MYH3: variants seen among roughly 807,000 people sequenced by gnomAD.
The protein encoded by MYH3 is myosin-3.
MYH3 carries 130 observed loss-of-function variants against 238.0 expected under a neutral mutation model. The ratio of observed to expected loss-of-function variants is 0.55; its 90% CI spans 0.47 to 0.63. The LOEUF (loss-of-function observed/expected upper bound fraction) is 0.63. Ranked by LOEUF, MYH3 falls within the 30% of genes least tolerant of loss-of-function variation. MYH3 has a pLI of 0.00. For missense variants in MYH3, 1,853 were observed against 2,374.9 expected, an observed-to-expected ratio of 0.78 and a Z score of 4.57; for synonymous variants, 880 against 924.1, an observed-to-expected ratio of 0.95 and a Z score of 0.86.
chr17:10,638,504 G>C, intron 26 of MYH3, 72 bp from the exon 27 acceptor site: 2 of 1,584,734 alleles, frequency 1.3e-6, no homozygotes, highest in Admixed American at 3.4e-5. Context: ...AGAACAGGCT[G>C]GTTTCCCTTC....
chr17:10,638,837 C>T (rs2074242301), intron 26 of MYH3, 36 bp downstream of exon 26: 1 of 1,595,312 alleles, frequency 6.3e-7, no homozygotes, highest in South Asian at 1.1e-5. Flanking sequence ...CTGTAAGTGG[C>T]CTCACATGGA....
rs764535714 is a variant in MYH3 at position 10,651,663 on chromosome 17, G to A, written c.354C>T (p.Tyr118=). The change falls in exon 5 of 41, where the codon TAC becomes TAT. Residue 118 remains tyrosine (Y), a synonymous_variant. Coordinates refer to ENST00000583535, the MANE Select transcript of MYH3 (RefSeq NM_002470.4). ...TGACAGTGACACAGAAGAGGCCTGA[G>A]TAGGTCTGTGGGAGGAAAAACATAT... ...DRYTSWMIYT[Y]SGLFCVTVNP... 2 of 1,614,006 alleles carry A rather than the reference G, an allele frequency of 1.2e-6. No individual in the cohort carries two copies. Among genetic ancestry groups the A allele is most frequent in the South Asian group, 1.1e-5 (1 of 91,084 alleles).
At position 10,632,700 on chromosome 17, in the gene MYH3, C is replaced by CA; in HGVS notation, c.4731_4732insT (p.Ala1578CysfsTer5). ...TGCTCGATCTCTTCATCCTTCTCGG[C>CA]GATCTTTCTATCAATTTCTGATTTC... On this transcript the variant is annotated frameshift_variant, in exon 34 of 41. Transcript: ENST00000583535. LOFTEE classifies it high-confidence loss of function. 6.2e-7 allele frequency: 1 copy of CA among 1,614,138 alleles called. No homozygotes were observed. The highest frequency in any genetic ancestry group is 8.5e-7 in the Non-Finnish European group (1 of 1,180,014).
chr17:10,652,930 G>A (rs985005144), intron 3 of MYH3, among the ~76,000 whole-genome samples: 10 of 152,048 alleles, frequency 6.6e-5, no homozygotes, highest in African/African-American at 2.2e-4. Context: ...CTGTCTGCAC[G>A]TCTTGTCTGC....
chr17:10,649,197 G>A (rs1409106882), intron 7 of MYH3, among the ~76,000 whole-genome samples: 7 of 152,154 alleles, frequency 4.6e-5, no homozygotes, highest in Non-Finnish European at 4.4e-5. Context: ...TCAATCCCTT[G>A]ATTCTCCAGT....
intron 34 of MYH3, 102 bp from the exon 35 acceptor site, chr17:10,632,118 TTTG>T: frequency 7.4e-7 from 1 of 1,345,644 alleles, no homozygotes; most frequent in South Asian, 1.3e-5. Context: ...TTGTTTTTGT[TTTG>T]TTTTGTTTTG....
In MYH3 at chr17:10,641,186, G is replaced by T; in HGVS notation, c.2064C>A (p.Ser688Arg). 4 of 1,614,100 alleles carry T rather than the reference G, an allele frequency of 2.5e-6. No individual in the cohort carries two copies. The highest frequency in any genetic ancestry group is 3.4e-6 in the Non-Finnish European group (4 of 1,179,998). ...TACACCGCAGCTGGTGCAGAACAAG[G>T]CTGTGTTCCATAGCCCCTGGGAACA... ...ETKTPGAMEH[S>R]LVLHQLRCNG... The change falls in exon 19 of 41, where the codon AGC becomes AGA. Residue 688 changes from serine (S) to arginine (R), a missense_variant. Ser to Arg is a moderately radical substitution (Grantham distance 110, BLOSUM62 -1). Around this residue, in one of 3 missense-constraint regions of MYH3, gnomAD observed 678 missense variants for 1,058.9 expected, o/e 0.64. Coordinates refer to ENST00000583535, the MANE Select transcript of MYH3 (RefSeq NM_002470.4).
chr17:10,668,539 A>G, the MYH3 span, among the ~76,000 whole-genome samples: 4 of 152,194 alleles, frequency 2.6e-5, no homozygotes, highest in African/African-American at 4.8e-5. Flanking sequence ...AAGGAAAGGA[A>G]AAAAAGAACA....
chr17:10,639,973 A>G lies in MYH3; in HGVS notation c.2682+23T>C, dbSNP rs1485639852. On this transcript the variant is annotated intron_variant, in intron 22 of 40. Transcript: ENST00000583535. ...TCAAATCTAGAAGAGTTAAAAAAAA[A>G]AAAAAGATTGCTAAACACGTACAGC... The G allele has an allele frequency of 2.5e-6, 4 of 1,609,398 alleles. No homozygotes were observed. The African/African-American group carries it at 5.4e-5, about 22-fold the overall frequency.
Position 10,654,428 on chromosome 17 carries a change from G to T in MYH3, c.204+433C>A, listed in dbSNP as rs1374871897. ...AGGCTGCTATTTCACTGAGCTTGTG[G>T]TCCCCTAGGATCCCTAACACATTTT... On this transcript the variant is annotated intron_variant, in intron 3 of 40. Transcript: ENST00000583535. This position sits in a 1 kb window ranked among gnomAD's most constrained non-coding sequence, Gnocchi z 4.5. Among the ~76,000 whole-genome samples, 1 of 152,100 alleles carries T rather than the reference G, an allele frequency of 6.6e-6. No homozygotes were observed. The highest frequency in any genetic ancestry group is 1.5e-5 in the Non-Finnish European group (1 of 68,006).
chr17:10,649,971 CT>C (rs1253417900), intron 6 of MYH3, among the ~76,000 whole-genome samples: 1 of 151,928 alleles, frequency 6.6e-6, no homozygotes, highest in East Asian at 1.9e-4. Context: ...TTATTTTTCT[CT>C]TTTATTTTTT....
In MYH3 at chr17:10,655,092, G is replaced by A. The variant is rs765665890; in HGVS notation, c.-8-20C>T. On this transcript the variant is annotated intron_variant, in intron 2 of 40. Coordinates refer to ENST00000583535, the MANE Select transcript of MYH3 (RefSeq NM_002470.4). ...TGTCAGCTGGAAGGCAAACCCACCC[G>A]GTGAGCTCAGCAGCCCCCTTGCCAG... The A allele has an allele frequency of 2.2e-5, 36 of 1,603,844 alleles. No individual in the cohort carries two copies. Among genetic ancestry groups the A allele is most frequent in the Non-Finnish European group, 3.0e-5 (35 of 1,171,366 alleles).
rs909070527 is a variant in MYH3 at position 10,644,966 on chromosome 17, G to A, written c.1142-264C>T. On this transcript the variant is annotated intron_variant, in intron 12 of 40. Coordinates refer to ENST00000583535, the MANE Select transcript of MYH3 (RefSeq NM_002470.4). ...TCGAGTGATTCAGGAAAAGCGAGTG[G>A]TAACAATAGCTATGGGCATCGGAGG... 8.5e-5 allele frequency among the ~76,000 whole-genome samples: 13 copies of A among 152,242 alleles called. No homozygotes were observed. The South Asian group carries it at 2.7e-3, about 32-fold the overall frequency.
chr17:10,671,984 G>T, the MYH3 span, among the ~76,000 whole-genome samples: 60 of 152,206 alleles, frequency 3.9e-4, 1 homozygote, highest in East Asian at 8.7e-3. Context: ...ATATATTTTT[G>T]ATCAAGCCTA....
Position 10,642,598 on chromosome 17 carries a change from C to T in MYH3, c.1707G>A (p.Val569=), listed in dbSNP as rs371043485. The change falls in exon 16 of 41, where the codon GTG becomes GTA. Residue 569 remains valine (V), a synonymous_variant. Coordinates refer to ENST00000583535, the MANE Select transcript of MYH3 (RefSeq NM_002470.4). This position sits in a 1 kb window ranked among gnomAD's most constrained non-coding sequence, Gnocchi z 5.4. The stretch of plus-strand genomic sequence containing the variant: ...AGTGAGCCTCGGCCCTGCCTTTGAC[C>T]ACCTTGGGCTTCTGGAAGTTGTTGG... ...GKSNNFQKPK[V]VKGRAEAHFS... The T allele has an allele frequency of 5.5e-5, 88 of 1,614,076 alleles. No individual in the cohort carries two copies. Among genetic ancestry groups the T allele is most frequent in the Non-Finnish European group, 7.4e-5 (87 of 1,180,040 alleles).
the MYH3 span, among the ~76,000 whole-genome samples, chr17:10,669,753 A>G: frequency 1.4e-4 from 21 of 152,018 alleles, no homozygotes; most frequent in Non-Finnish European, 1.9e-4. Context: ...AAAATAAAAA[A>G]CAAAAAAATC....
rs778770134 is a variant in MYH3, at chr17:10,642,779, C to G, written c.1581+47G>C. 6.2e-7 allele frequency: 1 copy of G among 1,614,102 alleles called. No homozygotes were observed. The highest frequency in any genetic ancestry group is 1.7e-5 in the Admixed American group (1 of 60,008). On this transcript the variant is annotated intron_variant, in intron 15 of 40. Transcript: ENST00000583535. This position sits in a 1 kb window ranked among gnomAD's most constrained non-coding sequence, Gnocchi z 5.4. The stretch of plus-strand genomic sequence containing the variant: ...GGTAAATATGAGCTGCAGTAATGAG[C>G]AGAAGAGTCTATGAGAAGAGCTTAC...
In MYH3 at chr17:10,640,248, C is replaced by T. The variant is rs746536043; in HGVS notation, c.2430G>A (p.Glu810=). ...TGTTGTACTGGATGCAGAAGATGGACTCCCTAAAAACAAGACATTGCTTAT... is the reference window on the plus strand; with the variant it reads ...TGTTGTACTGGATGCAGAAGATGGATTCCCTAAAAACAAGACATTGCTTAT... The part of the protein sequence containing the change: ...VEFQKMVQRR[E]SIFCIQYNIR... The change falls in exon 22 of 41, where the codon GAG becomes GAA. Residue 810 remains glutamate, a synonymous_variant. Coordinates refer to ENST00000583535, the MANE Select transcript of MYH3 (RefSeq NM_002470.4). 2 of 1,614,220 alleles carry T rather than the reference C, an allele frequency of 1.2e-6. No homozygotes were observed. Among genetic ancestry groups the T allele is most frequent in the East Asian group, 2.2e-5 (1 of 44,882 alleles).
At chr17:10,670,471 GTT>G in the MYH3 span, among the ~76,000 whole-genome samples, 1 of 151,920 alleles carries the variant, frequency 6.6e-6, no homozygotes, top group Admixed American at 6.6e-5. This position sits in a 1 kb window ranked among gnomAD's most constrained non-coding sequence, Gnocchi z 7.0. Flanking sequence ...AATTTACAGT[GTT>G]TTGTTTGTTT....
Sources: allele counts gnomAD v4.1 joint callset (sites outside exome capture counted in the v4.1 genomes callset), GRCh38; gene constraint gnomAD v4.1.1; regional missense constraint gnomAD v4.1.1; non-coding constraint Gnocchi (gnomAD v3.1); transcripts MANE v1.5; gene names NCBI Gene and HGNC (gene_info 2026-07-23, HGNC 2026-07-21).